The following MYH7B variants were observed in gnomAD, a reference collection of about 807,000 sequenced individuals.
MYH7B encodes myosin-7B.
Under a neutral mutation model 234.5 loss-of-function variants are expected in MYH7B, and 205 were observed. The ratio of observed to expected loss-of-function variants is 0.87; its 90% confidence interval spans 0.78 to 0.98. The LOEUF is 0.98. Among genes scored for constraint, MYH7B ranks in the 50% least tolerant of loss-of-function variants. The probability of loss-of-function intolerance (pLI) is 0.00; values close to 1 mark genes in which losing one functional copy is unlikely to be tolerated. For synonymous variants in MYH7B, 1,193 were observed against 1,105.0 expected, an observed-to-expected ratio of 1.08 and a Z score of -1.58; for missense variants, 2,652 against 2,633.4, an observed-to-expected ratio of 1.01 and a Z score of -0.15.
chr20:34,994,330 C>G, exon 27 of MYH7B: 1 of 1,609,288 alleles, frequency 6.2e-7, no homozygotes, highest in Non-Finnish European at 8.5e-7. Flanking sequence ...CGAGGCCAAG[C>G]GCCAGGAACT....
In MYH7B at chr20:34,986,083, G is replaced by T; in HGVS notation, c.806-17G>T. The stretch of plus-strand genomic sequence containing the variant: ...GGGAGGTGTGGGAGATGGCAGGCCA[G>T]CGTCCCTTCTCCCCAGATCTCCTGG... On this transcript the variant is annotated splice_polypyrimidine_tract_variant and intron_variant, in intron 13 of 44. Transcript: ENST00000262873. 1 of 1,561,726 alleles carries T rather than the reference G, an allele frequency of 6.4e-7. No individual in the cohort carries two copies. Among genetic ancestry groups the T allele is most frequent in the Non-Finnish European group, 8.7e-7 (1 of 1,150,366 alleles).
At chr20:34,996,478 G>A (rs748351762) in exon 29 of MYH7B, 99 of 1,612,844 alleles carry the variant, frequency 6.1e-5, no homozygotes, top group Middle Eastern at 5.0e-4. Context: ...CCGTGTGAGC[G>A]CGCTGACCAA....
chr20:34,967,098 G>T (rs547793307), intron 2 of MYH7B, among the ~76,000 whole-genome samples: 15 of 151,632 alleles, frequency 9.9e-5, no homozygotes, highest in African/African-American at 3.6e-4. Context: ...GCATGGTGGC[G>T]CGCACCTGTA....
chr20:34,979,213 C>T (rs2081902442), intron 5 of MYH7B, among the ~76,000 whole-genome samples, 177 bp from the exon 6 acceptor site: 1 of 152,164 alleles, frequency 6.6e-6, no homozygotes, highest in Admixed American at 6.5e-5. Flanking sequence ...AGGGACCCTC[C>T]CAGCTCCGCC....
At chr20:34,968,800 T>C (rs2081766358) in intron 2 of MYH7B, among the ~76,000 whole-genome samples, 2 of 152,192 alleles carry the variant, frequency 1.3e-5, no homozygotes, top group South Asian at 4.1e-4. Flanking sequence ...TACCTAAGTA[T>C]GCACAGCGCA....
Position 34,995,587 on chromosome 20 carries a change from C to T in MYH7B, c.2943+9C>T, listed in dbSNP as rs758579626. ...AAGCCACTGAGAACAAGGTGTGGGC[C>T]GGGCCAGCTGTGGGGAAGGGCCCTG... is the stretch of plus-strand genomic sequence containing the variant. On this transcript the variant is annotated intron_variant, in intron 28 of 44. Coordinates refer to ENST00000262873, the Ensembl canonical transcript of MYH7B. The T allele has an allele frequency of 1.1e-5, 18 of 1,613,306 alleles. No individual in the cohort carries two copies. In the East Asian group the frequency reaches 2.2e-4, roughly 20 times the overall value.
At chr20:34,957,266 T>C (rs1384962966) in intron 1 of MYH7B, among the ~76,000 whole-genome samples, 1 of 152,036 alleles carries the variant, frequency 6.6e-6, no homozygotes, top group East Asian at 1.9e-4. Flanking sequence ...ATGGTTAGTT[T>C]TGTGTGTTAG....
intron 30 of MYH7B, 137 bp downstream of exon 30, chr20:34,996,895 G>A: frequency 2.2e-6 from 3 of 1,354,636 alleles, no homozygotes; most frequent in Non-Finnish European, 3.0e-6. Flanking sequence ...GGGTGCAGGG[G>A]TAGTGTCTTG....
intron 11 of MYH7B, 61 bp downstream of exon 11, chr20:34,984,776 AG>A (rs2081990194): frequency 6.2e-7 from 1 of 1,605,204 alleles, no homozygotes; most frequent in Admixed American, 1.7e-5. Flanking sequence ...TCTGCACAAC[AG>A]AGGGGCCACG....
chr20:34,987,052 G>A (rs1372632491), intron 15 of MYH7B, 63 bp downstream of exon 15: 42 of 1,606,798 alleles, frequency 2.6e-5, no homozygotes, highest in East Asian at 1.3e-4. Flanking sequence ...CAGCACTGCC[G>A]GTGCCCCCAG....
At position 34,987,762 on chromosome 20, in the gene MYH7B, C is replaced by CA; in HGVS notation, c.1267-2dup. 6.2e-7 allele frequency: 1 copy of CA among 1,614,184 alleles called. No individual in the cohort carries two copies. On this transcript the variant is annotated splice_polypyrimidine_tract_variant and splice_region_variant and intron_variant, in intron 17 of 44. Coordinates refer to ENST00000262873, the Ensembl canonical transcript of MYH7B. ...TCCCAGCCCAGCCTCCCTGCACCTC[C>CA]AGGTGGTGTTTGCTGTGGGGGCTCT...
At chr20:34,983,139 G>T (rs1037720329) in intron 10 of MYH7B, among the ~76,000 whole-genome samples, 5 of 152,162 alleles carry the variant, frequency 3.3e-5, no homozygotes, top group Non-Finnish European at 5.9e-5. Flanking sequence ...ACCCCTAGAT[G>T]GGCTGCCTTT....
chr20:34,984,759 C>T (rs1321879559), intron 11 of MYH7B, 44 bp downstream of exon 11: 3 of 1,607,078 alleles, frequency 1.9e-6, no homozygotes, highest in Non-Finnish European at 2.6e-6. Flanking sequence ...TGGGGGTACC[C>T]CCTTCCTCTG....
Position 34,979,438 on chromosome 20 carries a change from C to T in MYH7B, c.140C>T (p.Ala47Val), listed in dbSNP as rs779473720. The T allele has an allele frequency of 1.2e-5, 19 of 1,613,838 alleles. No homozygotes were observed. In the East Asian group the frequency reaches 4.2e-4, roughly 36 times the overall value. ...GATGAACAGGACGCCTACGTGGAGG[C>T]CGAGGTCAAGTCGGAGGCTACCGGG... Residue 47 changes from alanine (A) to valine (V), a missense_variant, in exon 6 of 45, where the codon GCC (alanine) becomes GTC (valine). This residue lies in a region of MYH7B where 366 missense variants were observed against 401.2 expected (regional missense o/e 0.91). Transcript: ENST00000262873.
chr20:34,996,410 A>C lies in MYH7B; in HGVS notation c.3008A>C (p.Lys1003Thr), dbSNP rs770293600. Residue 1003 changes from lysine to threonine, a missense_variant, in exon 29 of 45, where the codon AAG becomes ACG. Transcript: ENST00000262873. ...TCAGTGGCCCGGCTGACCAAGGAGA[A>C]GAAGGCGTTGCAGGAGGCCCACCAA... is the stretch of plus-strand genomic sequence containing the variant. 10 of 1,613,012 alleles carry C rather than the reference A, an allele frequency of 6.2e-6. No homozygotes were observed. The South Asian group carries it at 8.8e-5, about 14-fold the overall frequency.
At chr20:34,987,163 C>A in exon 16 of MYH7B, 1 of 1,613,432 alleles carries the variant, frequency 6.2e-7, no homozygotes, top group Non-Finnish European at 8.5e-7. Flanking sequence ...CCATGGACAT[C>A]CTAGGCTTCA....
At chr20:34,988,241 T>C (rs756378962) in exon 19 of MYH7B, 2 of 1,613,786 alleles carry the variant, frequency 1.2e-6, no homozygotes, top group East Asian at 2.2e-5. Flanking sequence ...ACCTGCAGCC[T>C]TGCATCGACC....
chr20:34,965,380 T>C (rs2081732771), intron 2 of MYH7B, among the ~76,000 whole-genome samples: 1 of 152,222 alleles, frequency 6.6e-6, no homozygotes, highest in South Asian at 2.1e-4. Context: ...GGAGTCAGAA[T>C]ATTCACTGGG....
intron 3 of MYH7B, 47 bp downstream of exon 3, chr20:34,975,546 A>G (rs368131867): frequency 1.1e-5 from 8 of 713,358 alleles, no homozygotes; most frequent in Non-Finnish European, 1.8e-5. Context: ...AAATTCATCA[A>G]ACTTTATAAG....
Sources: allele counts gnomAD v4.1 joint callset (sites outside exome capture counted in the v4.1 genomes callset), GRCh38; gene constraint gnomAD v4.1.1; regional missense constraint gnomAD v4.1.1; transcripts MANE v1.5; gene names NCBI Gene and HGNC (gene_info 2026-07-23, HGNC 2026-07-21).